The following ATP2C1 variants were observed in gnomAD, a reference collection of about 807,000 sequenced individuals.
ATP2C1 encodes the protein ATPase secretory pathway Ca2+ transporting 1, also known as calcium-transporting ATPase type 2C member 1.
A neutral mutation model predicts 120.5 loss-of-function variants in ATP2C1; 31 were observed. The ratio of observed to expected loss-of-function variants is 0.26; its 90% CI spans 0.19 to 0.35. The LOEUF is 0.35. Among genes scored for constraint, ATP2C1 ranks in the 10% least tolerant of loss-of-function variants. The pLI is 1.00. For synonymous variants in ATP2C1, 351 were observed against 358.7 expected, an observed-to-expected ratio of 0.98 and a Z score of 0.24; for missense variants, 731 against 1,107.5, an observed-to-expected ratio of 0.66 and a Z score of 4.83.
chr3:131,014,257 A>G (rs1470929332), intron 26 of ATP2C1: 1 of 1,613,740 alleles, frequency 6.2e-7, no homozygotes, highest in South Asian at 1.1e-5. Flanking sequence ...GCGGGGGCAT[A>G]TGACCTTGTG....
At chr3:131,007,270 T>C (rs1424801244), downstream of ATP2C1, among the ~76,000 whole-genome samples, 1 of 152,200 alleles carries the variant, frequency 6.6e-6, no homozygotes, top group Non-Finnish European at 1.5e-5. Flanking sequence ...CTGCTCCAGG[T>C]AGATGGTGTT....
chr3:130,995,401 C>T (rs1291107970), intron 22 of ATP2C1, among the ~76,000 whole-genome samples: 5 of 139,322 alleles, frequency 3.6e-5, no homozygotes, highest in Non-Finnish European at 6.2e-5. Context: ...GGAAGCAGGG[C>T]AAGACCCTGT....
At chr3:130,970,540 G>A (rs1011496500) in intron 17 of ATP2C1, among the ~76,000 whole-genome samples, 5 of 151,928 alleles carry the variant, frequency 3.3e-5, no homozygotes, top group African/African-American at 4.8e-5. Flanking sequence ...CTGTAAGCAC[G>A]TGCCACCATA....
chr3:130,893,933 C>T, upstream of ATP2C1: 1 of 985,732 alleles, frequency 1.0e-6, no homozygotes, highest in Non-Finnish European at 1.2e-6. Flanking sequence ...CTTCCGCCTT[C>T]CCAGCCCGTG....
At chr3:130,934,478 A>G (rs1298800934) in intron 4 of ATP2C1, 144 bp from the exon 5 acceptor site, 2 of 629,408 alleles carry the variant, frequency 3.2e-6, no homozygotes, top group Non-Finnish European at 5.6e-6. Flanking sequence ...TTTTTTGTTA[A>G]TTGAAGAGAT....
rs2062914707 is a variant in ATP2C1 at position 131,002,101 on chromosome 3, T to C, written c.*751T>C. On this transcript the variant is annotated 3_prime_UTR_variant, in exon 28 of 28. Transcript: ENST00000510168. ...TGTTCTAGGGTAACAGTGTCCATAA[T>C]TAACGCTTAGTCATAGAGTCAAAAA... is the stretch of plus-strand genomic sequence containing the variant. 1.0e-6 allele frequency: 1 copy of C among 985,432 alleles called. No individual in the cohort carries two copies. Among genetic ancestry groups the C allele is most frequent in the African/African-American group, 1.7e-5 (1 of 57,234 alleles). 61.0% of individuals were successfully genotyped at this position (985,432 alleles called of 1,614,324 possible). A position where few individuals can be genotyped will look rare whatever the true frequency, so the allele number is the denominator to read the frequency against.
intron 27 of ATP2C1, among the ~76,000 whole-genome samples, chr3:131,000,977 CCTGT>C (rs1418895415): frequency 6.6e-6 from 1 of 152,016 alleles, no homozygotes; most frequent in African/African-American, 2.4e-5. Flanking sequence ...ATGGCACATG[CCTGT>C]AATCCCAGCC....
At position 130,979,470 on chromosome 3, in the gene ATP2C1, G is replaced by A. The variant is rs1217156060; in HGVS notation, c.1741+51G>A. The A allele has an allele frequency of 3.8e-6, 6 of 1,564,218 alleles. No individual in the cohort carries two copies. The African/African-American group carries it at 5.4e-5, about 14-fold the overall frequency. On this transcript the variant is annotated intron_variant, in intron 19 of 27. Coordinates refer to ENST00000510168, the MANE Select transcript of ATP2C1 (RefSeq NM_001378687.1). ...TTTCGATAGTTTTTCTTAAAATACT[G>A]TGGTGCATAATTTTGTGAACTATTA...
chr3:130,939,278 T>C (rs528291893), intron 6 of ATP2C1, among the ~76,000 whole-genome samples: 15 of 152,192 alleles, frequency 9.9e-5, no homozygotes, highest in Non-Finnish European at 2.1e-4. Flanking sequence ...GCTATATTAC[T>C]TGTGTCTTAA....
intron 2 of ATP2C1, chr3:130,918,273 C>T (rs571589125): frequency 3.9e-5 from 60 of 1,546,944 alleles, no homozygotes; most frequent in Admixed American, 2.9e-4. Flanking sequence ...CCCTTGGGCC[C>T]AAAGTTCTTT....
At chr3:130,861,986 T>A (rs890152131) in intron 1 of ATP2C1, among the ~76,000 whole-genome samples, 8 of 152,220 alleles carry the variant, frequency 5.3e-5, no homozygotes, top group African/African-American at 1.9e-4. Context: ...TAAAAAAATT[T>A]TTTTTGAGAT....
intron 2 of ATP2C1, chr3:130,918,562 T>C: frequency 2.7e-6 from 2 of 740,656 alleles, no homozygotes; most frequent in South Asian, 1.4e-5. Flanking sequence ...CCATGTTAAG[T>C]ATGCCAGCGC....
chr3:130,953,263 A>G (rs1247396807), intron 8 of ATP2C1, among the ~76,000 whole-genome samples: 2 of 152,058 alleles, frequency 1.3e-5, no homozygotes, highest in Non-Finnish European at 2.9e-5. Flanking sequence ...TATGATAGTT[A>G]TGATCTGCAT....
Position 130,932,153 on chromosome 3 carries a change from C to T in ATP2C1, c.234+15C>T, listed in dbSNP as rs763621973. ...ATATTTCTCAGGTGAGATACTTTTA[C>T]TTCCTCTTCTACTGTGTAATTTATT... On this transcript the variant is annotated intron_variant, in intron 4 of 27. Transcript: ENST00000510168. 3 of 1,416,926 alleles carry T rather than the reference C, an allele frequency of 2.1e-6. No individual in the cohort carries two copies. Among genetic ancestry groups the T allele is most frequent in the South Asian group, 1.1e-5 (1 of 87,062 alleles). The allele number at this position is 1,416,926 out of a possible 1,614,324, so 87.8% of individuals were successfully genotyped here. A position where few individuals can be genotyped will look rare whatever the true frequency, so the allele number is the denominator to read the frequency against.
intron 6 of ATP2C1, among the ~76,000 whole-genome samples, 170 bp downstream of exon 6, chr3:130,937,633 G>A (rs372740203): frequency 6.6e-6 from 1 of 152,156 alleles, no homozygotes. Flanking sequence ...GAAGCTTGTG[G>A]TGTGGGACTA....
Position 131,001,393 on chromosome 3 carries a change from T to C in ATP2C1, c.*43T>C. ...TATTTGCAAACTAGGAATTGCAGTC[T>C]GAGGATCATTTAGAAGGGCAAGTTC... is the stretch of plus-strand genomic sequence containing the variant. On this transcript the variant is annotated 3_prime_UTR_variant, in exon 28 of 28. Transcript: ENST00000510168. 1 of 1,604,912 alleles carries C rather than the reference T, an allele frequency of 6.2e-7. No individual in the cohort carries two copies. Among genetic ancestry groups the C allele is most frequent in the Non-Finnish European group, 8.5e-7 (1 of 1,175,080 alleles).
intron 26 of ATP2C1, among the ~76,000 whole-genome samples, chr3:131,012,841 G>A (rs1199168375): frequency 6.6e-6 from 1 of 152,176 alleles, no homozygotes; most frequent in African/African-American, 2.4e-5. Context: ...TTTTGTAAAA[G>A]TCAACACTTG....
intron 22 of ATP2C1, among the ~76,000 whole-genome samples, chr3:130,995,330 C>T (rs1192277198): frequency 6.6e-6 from 1 of 151,438 alleles, no homozygotes; most frequent in Non-Finnish European, 1.5e-5. Flanking sequence ...TGGAGGATTG[C>T]TTGAGCCAAG....
intron 26 of ATP2C1, among the ~76,000 whole-genome samples, chr3:131,011,087 G>T (rs1029900036): frequency 6.6e-6 from 1 of 152,126 alleles, no homozygotes; most frequent in Non-Finnish European, 1.5e-5. Context: ...GTGCACAAAG[G>T]AGAAAAAGAT....
Sources: gnomAD v4.1 joint callset for allele counts (sites outside exome capture counted in the v4.1 genomes callset) on GRCh38, gnomAD v4.1.1 for gene constraint, MANE v1.5 for transcripts, NCBI Gene and HGNC (gene_info 2026-07-23, HGNC 2026-07-21) for gene names.